IFT140: variants seen among roughly 807,000 people sequenced by gnomAD.
IFT140 encodes the protein intraflagellar transport 140, also known as intraflagellar transport protein 140 homolog.
A neutral mutation model predicts 164.6 loss-of-function variants in IFT140; 133 were observed. The observed-to-expected ratio is 0.81, with a 90% confidence interval of 0.70 to 0.93. The LOEUF (loss-of-function observed/expected upper bound fraction) is 0.93, where lower values mean the gene tolerates loss of function less well. IFT140 is among the 40% of genes least tolerant of loss of function. IFT140 has a pLI of 0.00. For missense variants in IFT140, 2,045 were observed against 1,972.3 expected, an observed-to-expected ratio of 1.04 and a Z score of -0.70; for synonymous variants, 860 against 817.3, an observed-to-expected ratio of 1.05 and a Z score of -0.89.
chr16:1,553,972 C>G lies in IFT140; in HGVS notation c.2399+3963G>C. 2 of 1,287,228 alleles carry G rather than the reference C, an allele frequency of 1.6e-6. No individual in the cohort carries two copies. Among genetic ancestry groups the G allele is most frequent in the Non-Finnish European group, 2.0e-6 (2 of 988,674 alleles). 79.7% of individuals were successfully genotyped at this position (1,287,228 alleles called of 1,614,324 possible). The stretch of plus-strand genomic sequence containing the variant: ...GTGAAACTGTAGCATCAGCGACTAA[C>G]TAGACGGGAACAAGCTGCGCCAACC... On this transcript the variant is annotated intron_variant, in intron 19 of 30. Coordinates refer to ENST00000426508, the MANE Select transcript of IFT140 (RefSeq NM_014714.4). The surrounding 1 kb of genome is among the most constrained non-coding windows in gnomAD (Gnocchi z 4.4).
At chr16:1,521,444 A>G (rs2040523854) in intron 26 of IFT140, among the ~76,000 whole-genome samples, 1 of 152,014 alleles carries the variant, frequency 6.6e-6, no homozygotes, top group African/African-American at 2.4e-5. Flanking sequence ...GCTGGAGTGC[A>G]GTGGCACAAT....
intron 19 of IFT140, chr16:1,555,634 T>G (rs1260173246): frequency 6.6e-6 from 1 of 152,554 alleles, no homozygotes; most frequent in Non-Finnish European, 1.5e-5. Flanking sequence ...TTGATCCACT[T>G]TTTTGTGATT....
rs761813243 is a variant in IFT140, at chr16:1,583,401, G to T, written c.1360-15C>A. The T allele has an allele frequency of 3.7e-6, 6 of 1,612,852 alleles. No homozygotes were observed. Among genetic ancestry groups the T allele is most frequent in the Non-Finnish European group, 5.1e-6 (6 of 1,178,948 alleles). On this transcript the variant is annotated splice_polypyrimidine_tract_variant and intron_variant, in intron 11 of 30. Coordinates refer to ENST00000426508, the MANE Select transcript of IFT140 (RefSeq NM_014714.4). ...GCGACAGCATCCTGAAAAGAACCACGGACATTCGAGGCAAAGGGCGGGAAA... is the reference window on the plus strand; with the variant it reads ...GCGACAGCATCCTGAAAAGAACCACTGACATTCGAGGCAAAGGGCGGGAAA...
chr16:1,525,682 G>C (rs1015026632), intron 21 of IFT140, among the ~76,000 whole-genome samples: 2 of 152,224 alleles, frequency 1.3e-5, no homozygotes, highest in Non-Finnish European at 2.9e-5. Context: ...TCTCCTGCCT[G>C]GGAAGCTGGG....
At position 1,524,946 on chromosome 16, in the gene IFT140, C is replaced by T. The variant is rs1395196585; in HGVS notation, c.2865-30G>A. The T allele has an allele frequency of 5.1e-6, 8 of 1,583,350 alleles. No homozygotes were observed. In the African/African-American group the frequency reaches 5.4e-5, roughly 11 times the overall value. ...GGGCAGCCCAAGACCATGGATTCTCCACCCGAGCCCCGCTCCAACCCGGGA... is the reference window on the plus strand; with the variant it reads ...GGGCAGCCCAAGACCATGGATTCTCTACCCGAGCCCCGCTCCAACCCGGGA... On this transcript the variant is annotated intron_variant, in intron 22 of 30. Transcript: ENST00000426508.
chr16:1,601,193 T>G (rs547948552), intron 4 of IFT140, among the ~76,000 whole-genome samples: 29 of 150,158 alleles, frequency 1.9e-4, no homozygotes, highest in Non-Finnish European at 3.7e-4. Context: ...GAACTCAGGA[T>G]GTAGAGGTTG....
At chr16:1,608,475 T>C (rs1050664775) in intron 2 of IFT140, among the ~76,000 whole-genome samples, 4 of 151,750 alleles carry the variant, frequency 2.6e-5, no homozygotes, top group South Asian at 2.1e-4. Context: ...CTACTAAAAA[T>C]ACAAAAGGTT....
intron 19 of IFT140, among the ~76,000 whole-genome samples, chr16:1,536,899 T>TA (rs1331980819): frequency 6.6e-6 from 1 of 152,218 alleles, no homozygotes; most frequent in Non-Finnish European, 1.5e-5. Flanking sequence ...GAGGGGCTGC[T>TA]ACCTGCCACC....
At chr16:1,516,531 A>C (rs2141125193) in intron 30 of IFT140, among the ~76,000 whole-genome samples, 1 of 152,254 alleles carries the variant, frequency 6.6e-6, no homozygotes, top group South Asian at 2.1e-4. Context: ...GCACTTTGGG[A>C]GGCCGAGGCG....
chr16:1,560,475 C>T (rs2033344650), intron 18 of IFT140, among the ~76,000 whole-genome samples: 1 of 152,240 alleles, frequency 6.6e-6, no homozygotes, highest in African/African-American at 2.4e-5. Flanking sequence ...GTCATTGTCA[C>T]AAGTTAGGCA....
chr16:1,552,717 C>T (rs1020707693), intron 19 of IFT140, among the ~76,000 whole-genome samples: 2 of 145,432 alleles, frequency 1.4e-5, no homozygotes, highest in African/African-American at 2.6e-5. Flanking sequence ...GGCGTGATCT[C>T]GGCTCACTGC....
chr16:1,561,998 T>C lies in IFT140; in HGVS notation c.2186A>G (p.Tyr729Cys). ...SLLGMEVPYY[Y>C]FTRKPEEADR... Reference sequence around the variant, plus strand: ...GTGGCTTCGTACCTTTCTTGTGAAGTAGTAATAAGGCACTTCCATCCCCAG... The same window carrying C: ...GTGGCTTCGTACCTTTCTTGTGAAGCAGTAATAAGGCACTTCCATCCCCAG... Residue 729 changes from tyrosine (Y) to cysteine (C), a missense_variant, in exon 18 of 31, where the codon TAC (tyrosine) becomes TGC (cysteine). Transcript: ENST00000426508. 3 of 1,602,416 alleles carry C rather than the reference T, an allele frequency of 1.9e-6. No homozygotes were observed. Among genetic ancestry groups the C allele is most frequent in the South Asian group, 1.1e-5 (1 of 88,496 alleles).
chr16:1,548,446 C>T (rs2032354826), intron 19 of IFT140, among the ~76,000 whole-genome samples: 1 of 152,156 alleles, frequency 6.6e-6, no homozygotes, highest in Non-Finnish European at 1.5e-5. Context: ...ACTGTCCGGG[C>T]GGCTCACAGG....
chr16:1,589,836 G>C (rs1296809902), intron 6 of IFT140, 56 bp from the exon 7 acceptor site: 1 of 1,455,430 alleles, frequency 6.9e-7, no homozygotes, highest in South Asian at 1.2e-5. Flanking sequence ...CTGCTTCCAT[G>C]ACCCTCACCA....
intron 13 of IFT140, chr16:1,576,679 C>CA (rs1375793975): frequency 6.6e-6 from 1 of 150,480 alleles, no homozygotes; most frequent in African/African-American, 2.5e-5. Context: ...CTAGAAAGAA[C>CA]AAAAAAATTA....
intron 30 of IFT140, 89 bp downstream of exon 30, chr16:1,518,127 C>T: frequency 7.3e-7 from 1 of 1,362,980 alleles, no homozygotes. Context: ...AGTGAGCCGC[C>T]ACACACAGCC....
Position 1,524,764 on chromosome 16 carries a change from C to T in IFT140, c.2997+20G>A. On this transcript the variant is annotated intron_variant, in intron 23 of 30. Coordinates refer to ENST00000426508, the MANE Select transcript of IFT140 (RefSeq NM_014714.4). ...GTCTGCCTCGTGTCCGCCTGGCCGG[C>T]TCCCCTGCGGGGACCTTACCTTCTG... 6.3e-7 allele frequency: 1 copy of T among 1,593,864 alleles called. No homozygotes were observed. The highest frequency in any genetic ancestry group is 8.6e-7 in the Non-Finnish European group (1 of 1,163,964).
At chr16:1,546,582 C>T (rs893395348) in intron 19 of IFT140, among the ~76,000 whole-genome samples, 10 of 152,202 alleles carry the variant, frequency 6.6e-5, no homozygotes, top group Non-Finnish European at 7.4e-5. Flanking sequence ...GCTTCAGGCC[C>T]GAGGCGCATC....
At chr16:1,562,664 T>C (rs946213973) in intron 17 of IFT140, among the ~76,000 whole-genome samples, 1 of 151,856 alleles carries the variant, frequency 6.6e-6, no homozygotes, top group African/African-American at 2.4e-5. Context: ...CCCAGCTACT[T>C]GGTAGTCTGA....
Sources: gnomAD v4.1 joint callset for allele counts (sites outside exome capture counted in the v4.1 genomes callset) on GRCh38, gnomAD v4.1.1 for gene constraint, Gnocchi (gnomAD v3.1) non-coding constraint, MANE v1.5 for transcripts, NCBI Gene and HGNC (gene_info 2026-07-23, HGNC 2026-07-21) for gene names.